The following COL4A4 variants were observed in gnomAD, a reference collection of about 807,000 sequenced individuals.
COL4A4 encodes the protein collagen type IV alpha 4 chain.
A neutral mutation model predicts 192.9 loss-of-function variants in COL4A4; 105 were observed. The ratio of observed to expected loss-of-function variants is 0.54; its 90% CI spans 0.46 to 0.64. The LOEUF is 0.64. Ranked by LOEUF, COL4A4 falls within the 30% of genes least tolerant of loss-of-function variation. The probability of loss-of-function intolerance (pLI) is 0.00; values close to 1 mark genes in which losing one functional copy is unlikely to be tolerated. For synonymous variants in COL4A4, 762 were observed against 769.9 expected (o/e 0.99, Z 0.17); for missense variants, 1,967 against 2,169.3 (o/e 0.91, Z 1.85).
intron 38 of COL4A4, 128 bp from the exon 39 acceptor site, chr2:227,032,404 G>T (rs1460832783): frequency 3.7e-5 from 38 of 1,026,190 alleles, no homozygotes; most frequent in Non-Finnish European, 5.1e-5. Flanking sequence ...ACAACTGGTT[G>T]CAGTGGTGAT....
At chr2:227,041,864 AAGAAAG>A (rs1971406364) in intron 37 of COL4A4, among the ~76,000 whole-genome samples, 1 of 109,348 alleles carries the variant, frequency 9.1e-6, no homozygotes, top group Non-Finnish European at 1.9e-5. Context: ...GAAAGAAAGA[AAGAAAG>A]AAAGAAAGAA....
Position 227,072,843 on chromosome 2 carries a change from G to A in COL4A4, c.1987+5051C>T, listed in dbSNP as rs72969756. On this transcript the variant is annotated intron_variant, in intron 25 of 47. Coordinates refer to ENST00000396625, the MANE Select transcript of COL4A4 (RefSeq NM_000092.5). Reference sequence around the variant, plus strand: ...CAGAAAAAGCATTCGACAAAATCCAGCATTCCTTTATGACAAAAAATCTCA... The same window carrying A: ...CAGAAAAAGCATTCGACAAAATCCAACATTCCTTTATGACAAAAAATCTCA... Among the ~76,000 whole-genome samples the A allele has an allele frequency of 6.7e-3, 1,025 of 151,940 alleles. 4 individuals are homozygous for A. Among genetic ancestry groups the A allele is most frequent in the Middle Eastern group, 0.014 (4 of 294 alleles).
rs1191080833 is a variant in COL4A4 at position 227,103,129 on chromosome 2, A to C, written c.870+15T>G. The C allele has an allele frequency of 6.3e-7, 1 of 1,599,524 alleles. No homozygotes were observed. The highest frequency in any genetic ancestry group is 1.7e-5 in the Admixed American group (1 of 58,088). Reference sequence around the variant, plus strand: ...TCACACAAATGAAAAAAAAAAAGGTACTTAAATAAACTACCTTGCGTCCTG... The same window carrying C: ...TCACACAAATGAAAAAAAAAAAGGTCCTTAAATAAACTACCTTGCGTCCTG... On this transcript the variant is annotated intron_variant, in intron 14 of 47. Coordinates refer to ENST00000396625, the MANE Select transcript of COL4A4 (RefSeq NM_000092.5).
chr2:227,151,563 T>G (rs2063946836), intron 1 of COL4A4, among the ~76,000 whole-genome samples: 1 of 152,134 alleles, frequency 6.6e-6, no homozygotes, highest in Non-Finnish European at 1.5e-5. Flanking sequence ...GAAAAAAATG[T>G]GCTACACAAA....
intron 18 of COL4A4, among the ~76,000 whole-genome samples, chr2:227,099,310 G>C (rs545146854): frequency 4.6e-5 from 7 of 152,224 alleles, no homozygotes; most frequent in Admixed American, 2.6e-4. Context: ...CAAGTGATCT[G>C]CCTGCCTCAG....
intron 22 of COL4A4, among the ~76,000 whole-genome samples, chr2:227,085,681 G>T (rs1055760888): frequency 2.0e-5 from 3 of 152,148 alleles, no homozygotes; most frequent in Non-Finnish European, 4.4e-5. Context: ...TGAACAACCA[G>T]ATCTCCTGTG....
chr2:227,037,346 T>C (rs1969890043), intron 37 of COL4A4, among the ~76,000 whole-genome samples: 1 of 152,208 alleles, frequency 6.6e-6, no homozygotes, highest in South Asian at 2.1e-4. Flanking sequence ...TTTGGTTTTC[T>C]GTTCCTGTGT....
At chr2:226,985,688 A>C in the COL4A4 span, among the ~76,000 whole-genome samples, 1 of 152,268 alleles carries the variant, frequency 6.6e-6, no homozygotes, top group African/African-American at 2.4e-5. Flanking sequence ...CCACCCAATC[A>C]GCAACTATTT....
intron 1 of COL4A4, among the ~76,000 whole-genome samples, chr2:227,156,029 T>C (rs2064308743): frequency 6.6e-6 from 1 of 150,822 alleles, no homozygotes; most frequent in Middle Eastern, 3.2e-3. Context: ...GCTCAATAAA[T>C]GTTTCTTTCC....
rs1282468777 is a variant in COL4A4, at chr2:227,103,141, T to C, written c.870+3A>G. 4 of 1,605,340 alleles carry C rather than the reference T, an allele frequency of 2.5e-6. No homozygotes were observed. The highest frequency in any genetic ancestry group is 3.4e-6 in the Non-Finnish European group (4 of 1,176,636). ...AAAAAAAAAAGGTACTTAAATAAAC[T>C]ACCTTGCGTCCTGGTGGTCCTGGCA... On this transcript the variant is annotated splice_donor_region_variant and intron_variant, in intron 14 of 47. Coordinates refer to ENST00000396625, the MANE Select transcript of COL4A4 (RefSeq NM_000092.5).
intron 4 of COL4A4, among the ~76,000 whole-genome samples, chr2:227,135,353 T>C (rs1272899999): frequency 2.6e-5 from 4 of 152,152 alleles, no homozygotes; most frequent in South Asian, 2.1e-4. Context: ...TAGGGTGCCA[T>C]TGTACCTTAA....
At chr2:227,090,109 T>G in intron 20 of COL4A4, 152 bp from the exon 21 acceptor site, 1 of 625,372 alleles carries the variant, frequency 1.6e-6, no homozygotes. Flanking sequence ...GGATTCTTTC[T>G]GTCTGAAATA....
chr2:227,028,068 T>C, intron 41 of COL4A4, 59 bp from the exon 42 acceptor site: 4 of 1,178,382 alleles, frequency 3.4e-6, no homozygotes, highest in Non-Finnish European at 4.9e-6. Flanking sequence ...ATAAAAACAA[T>C]GACAGTTTGA....
chr2:227,086,912 G>A (rs2059631589), intron 22 of COL4A4, among the ~76,000 whole-genome samples: 2 of 152,210 alleles, frequency 1.3e-5, no homozygotes, highest in Admixed American at 1.3e-4. Flanking sequence ...TGGCCAGTGG[G>A]CTTTGTACAT....
intron 5 of COL4A4, among the ~76,000 whole-genome samples, chr2:227,120,310 A>C (rs2061705992): frequency 6.6e-6 from 1 of 152,222 alleles, no homozygotes; most frequent in African/African-American, 2.4e-5. Context: ...GCTCATCAAC[A>C]GGGAATAAAC....
In COL4A4 at chr2:227,015,667, T is replaced by C. The variant is rs188046832; in HGVS notation, c.4217-3370A>G. On this transcript the variant is annotated intron_variant, in intron 44 of 47. Coordinates refer to ENST00000396625, the MANE Select transcript of COL4A4 (RefSeq NM_000092.5). ...AAAGCAGGGCCTTGTTGGATTAACTTCTTTCTAGCAGAGCAGCTGGCAGCA... is the reference window on the plus strand; with the variant it reads ...AAAGCAGGGCCTTGTTGGATTAACTCCTTTCTAGCAGAGCAGCTGGCAGCA... Among the ~76,000 whole-genome samples, 3 of 152,334 alleles carry C rather than the reference T, an allele frequency of 2.0e-5. No individual in the cohort carries two copies. In the East Asian group the frequency reaches 5.8e-4, roughly 29 times the overall value.
intron 22 of COL4A4, among the ~76,000 whole-genome samples, chr2:227,086,359 T>C (rs2059601909): frequency 6.6e-6 from 1 of 152,076 alleles, no homozygotes; most frequent in Admixed American, 6.6e-5. Context: ...TCTTTCATGC[T>C]CTTCTGTCTG....
At chr2:227,161,702 T>C (rs1010146777) in intron 1 of COL4A4, among the ~76,000 whole-genome samples, 7 of 152,300 alleles carry the variant, frequency 4.6e-5, no homozygotes, top group African/African-American at 1.7e-4. Context: ...GGGATCTGAT[T>C]CAGTGGATCC....
At chr2:227,012,892 G>T (rs1370076352) in intron 44 of COL4A4, among the ~76,000 whole-genome samples, 1 of 152,110 alleles carries the variant, frequency 6.6e-6, no homozygotes, top group Middle Eastern at 3.2e-3. Flanking sequence ...ATATGACTAG[G>T]TACTCATACA....
Sources: allele counts gnomAD v4.1 joint callset (sites outside exome capture counted in the v4.1 genomes callset), GRCh38; gene constraint gnomAD v4.1.1; transcripts MANE v1.5; gene names NCBI Gene and HGNC (gene_info 2026-07-23, HGNC 2026-07-21).